The following LRP1B variants were observed in gnomAD, a reference collection of about 807,000 sequenced individuals.
The protein encoded by LRP1B is LDL receptor related protein 1B.
A neutral mutation model predicts 556.6 loss-of-function variants in LRP1B; 217 were observed. The observed-to-expected ratio is 0.39, with a 90% confidence interval of 0.35 to 0.44. LRP1B has a LOEUF of 0.44. LRP1B is among the 20% of genes least tolerant of loss of function. The pLI is 1.00. For synonymous variants in LRP1B, 2,047 were observed against 1,865.8 expected (o/e 1.10, Z -2.50); for missense variants, 5,053 against 5,620.8 (o/e 0.90, Z 3.23).
At chr2:140,930,326 ATAAG>A (rs1695013658) in intron 20 of LRP1B, among the ~76,000 whole-genome samples, 1 of 152,130 alleles carries the variant, frequency 6.6e-6, no homozygotes, top group Admixed American at 6.6e-5. Flanking sequence ...ACTCTGATAA[ATAAG>A]TAAATACAGA....
chr2:141,066,478 C>T lies in LRP1B; in HGVS notation c.1014-4205G>A, dbSNP rs1203897946. ...AGTTATGGCACCAATCATTTCTATACTTTAAAGGAAAGCAATTGTTATACA... is the reference window on the plus strand; with the variant it reads ...AGTTATGGCACCAATCATTTCTATATTTTAAAGGAAAGCAATTGTTATACA... On this transcript the variant is annotated intron_variant, in intron 7 of 90. Transcript: ENST00000389484. 2.6e-5 allele frequency among the ~76,000 whole-genome samples: 4 copies of T among 151,994 alleles called. No individual in the cohort carries two copies. In the East Asian group the frequency reaches 7.8e-4, roughly 30 times the overall value.
intron 1 of LRP1B, among the ~76,000 whole-genome samples, chr2:141,959,646 T>G (rs1435575724): frequency 6.6e-6 from 1 of 151,880 alleles, no homozygotes; most frequent in Admixed American, 6.6e-5. Flanking sequence ...CTTTAAAATG[T>G]ATTTTATTTA....
chr2:141,203,881 T>C (rs893755472), intron 6 of LRP1B, among the ~76,000 whole-genome samples: 2 of 152,062 alleles, frequency 1.3e-5, no homozygotes, highest in Admixed American at 6.5e-5. Flanking sequence ...AGAAACTCAC[T>C]CAAAACCACA....
chr2:140,519,004 A>G (rs994464123), intron 49 of LRP1B, among the ~76,000 whole-genome samples: 6 of 152,188 alleles, frequency 3.9e-5, no homozygotes, highest in African/African-American at 1.4e-4. Flanking sequence ...ATGCATAGGA[A>G]GAATCAATAT....
rs977375259 is a variant in LRP1B, at chr2:140,373,192, A to G, written c.10639-55T>C. ...ATTAAAATTTTAGAAACACTTCTACACACTCAAAAGACAAGAAAACTTATG... is the reference window on the plus strand; with the variant it reads ...ATTAAAATTTTAGAAACACTTCTACGCACTCAAAAGACAAGAAAACTTATG... On this transcript the variant is annotated intron_variant, in intron 68 of 90. Transcript: ENST00000389484. 8 of 1,491,376 alleles carry G rather than the reference A, an allele frequency of 5.4e-6. No homozygotes were observed. In the African/African-American group the frequency reaches 8.4e-5, roughly 16 times the overall value. 92.4% of individuals were successfully genotyped at this position (1,491,376 alleles called of 1,614,324 possible). A position where few individuals can be genotyped will look rare whatever the true frequency, so the allele number is the denominator to read the frequency against.
chr2:140,270,857 T>C (rs1682426350), intron 85 of LRP1B, among the ~76,000 whole-genome samples: 1 of 152,116 alleles, frequency 6.6e-6, no homozygotes, highest in Admixed American at 6.6e-5. Context: ...GCCACTTTTA[T>C]CCCACTGTTT....
chr2:140,341,956 A>G (rs1681414527), intron 77 of LRP1B, among the ~76,000 whole-genome samples: 1 of 151,382 alleles, frequency 6.6e-6, no homozygotes, highest in Non-Finnish European at 1.5e-5. Context: ...AGAGAGGGAA[A>G]GTTAAATCGA....
intron 2 of LRP1B, among the ~76,000 whole-genome samples, chr2:141,550,876 GT>G (rs1291924603): frequency 6.6e-6 from 1 of 151,962 alleles, no homozygotes; most frequent in African/African-American, 2.4e-5. Context: ...AGGATGATGT[GT>G]CATATGCCAT....
At chr2:140,360,446 A>T (rs1480010245) in intron 72 of LRP1B, among the ~76,000 whole-genome samples, 2 of 151,544 alleles carry the variant, frequency 1.3e-5, no homozygotes, top group Non-Finnish European at 3.0e-5. Flanking sequence ...TACAGCTTCC[A>T]TAGCTTTATC....
At chr2:140,621,322 T>C (rs1683444802) in intron 41 of LRP1B, among the ~76,000 whole-genome samples, 1 of 149,482 alleles carries the variant, frequency 6.7e-6, no homozygotes, top group African/African-American at 2.5e-5. Flanking sequence ...GGAGCAGAGG[T>C]TGCGGTGAGC....
At chr2:141,594,043 C>T (rs1165474293) in intron 2 of LRP1B, among the ~76,000 whole-genome samples, 3 of 152,036 alleles carry the variant, frequency 2.0e-5, no homozygotes, top group Non-Finnish European at 4.4e-5. Flanking sequence ...TCTACTCTGT[C>T]ATGCCCACCT....
chr2:141,309,871 T>C (rs755526116), intron 3 of LRP1B, among the ~76,000 whole-genome samples: 1 of 151,848 alleles, frequency 6.6e-6, no homozygotes, highest in Non-Finnish European at 1.5e-5. Flanking sequence ...AAGACATCAA[T>C]TGCAAAATGA....
At chr2:140,775,056 T>G (rs1276492425) in intron 33 of LRP1B, among the ~76,000 whole-genome samples, 1 of 152,142 alleles carries the variant, frequency 6.6e-6, no homozygotes, top group African/African-American at 2.4e-5. Context: ...AAGCAATTTT[T>G]TATTCTAAAG....
intron 25 of LRP1B, among the ~76,000 whole-genome samples, chr2:140,877,291 G>A (rs1404669714): frequency 1.3e-5 from 2 of 152,068 alleles, no homozygotes; most frequent in African/African-American, 4.8e-5. Context: ...GTTTGTTGTT[G>A]TTTCTCTCCC....
At chr2:141,231,711 T>G (rs1471714117) in intron 5 of LRP1B, among the ~76,000 whole-genome samples, 1 of 151,740 alleles carries the variant, frequency 6.6e-6, no homozygotes, top group Non-Finnish European at 1.5e-5. Flanking sequence ...AAGGTATGCT[T>G]AAGTTACATT....
chr2:142,069,608 G>A (rs1705237821), intron 1 of LRP1B, among the ~76,000 whole-genome samples: 1 of 151,698 alleles, frequency 6.6e-6, no homozygotes, highest in African/African-American at 2.4e-5. Context: ...GCAAATTCAT[G>A]TTCATAAACG....
chr2:140,663,282 T>C (rs1280135187), intron 41 of LRP1B, among the ~76,000 whole-genome samples: 3 of 152,190 alleles, frequency 2.0e-5, no homozygotes, highest in Admixed American at 1.3e-4. Flanking sequence ...GGAAATACAC[T>C]GGTCATCATC....
At chr2:141,421,552 T>C (rs1680146128) in intron 3 of LRP1B, among the ~76,000 whole-genome samples, 1 of 149,814 alleles carries the variant, frequency 6.7e-6, no homozygotes, top group African/African-American at 2.5e-5. Flanking sequence ...AAAATTTACC[T>C]CTTTCATATG....
At chr2:141,045,275 T>TG (rs1423281813) in intron 11 of LRP1B, among the ~76,000 whole-genome samples, 1 of 63,208 alleles carries the variant, frequency 1.6e-5, no homozygotes, top group African/African-American at 6.7e-5. Flanking sequence ...TGTTGTGGGG[T>TG]GGGGGGAGGG....
Sources: allele counts gnomAD v4.1 joint callset (sites outside exome capture counted in the v4.1 genomes callset), GRCh38; gene constraint gnomAD v4.1.1; transcripts MANE v1.5; gene names NCBI Gene and HGNC (gene_info 2026-07-23, HGNC 2026-07-21).